The following SERPINA12 variants were observed in gnomAD, a reference collection of about 807,000 sequenced individuals.
SERPINA12 encodes the protein serpin A12.
In SERPINA12, 21 loss-of-function variants were observed where a neutral mutation model predicts 25.9. The observed-to-expected ratio is 0.81, with a 90% CI of 0.58 to 1.17. SERPINA12 has a LOEUF of 1.17. SERPINA12 is among the 50% of genes most tolerant of loss of function. The probability of loss-of-function intolerance (pLI) is 0.00; values close to 1 mark genes in which losing one functional copy is unlikely to be tolerated. For missense variants in SERPINA12, 562 were observed against 508.3 expected (o/e 1.11, Z -1.02); for synonymous variants, 220 against 196.0 (o/e 1.12, Z -1.02).
At chr14:94,510,760 G>A (rs1901090275), upstream of SERPINA12, among the ~76,000 whole-genome samples, 1 of 152,208 alleles carries the variant, frequency 6.6e-6, no homozygotes, top group Non-Finnish European at 1.5e-5. Flanking sequence ...ATACCACTCA[G>A]CCATAAAAAG....
chr14:94,500,124 G>T (rs965853138), intron 1 of SERPINA12, among the ~76,000 whole-genome samples: 1 of 152,170 alleles, frequency 6.6e-6, no homozygotes. Flanking sequence ...CAGTTCCCAG[G>T]TTCTTCATGT....
At chr14:94,516,966 C>T (rs891113353) in intron 1 of SERPINA12, among the ~76,000 whole-genome samples, 3 of 142,390 alleles carry the variant, frequency 2.1e-5, no homozygotes, top group Non-Finnish European at 3.1e-5. Flanking sequence ...CACACACACA[C>T]ATTAAAATAG....
chr14:94,511,697 A>G, upstream of SERPINA12: 3 of 985,356 alleles, frequency 3.0e-6, no homozygotes, highest in Non-Finnish European at 3.6e-6. Context: ...GCTTCCTTCC[A>G]AAGAGGCAGA....
chr14:94,509,911 G>T, upstream of SERPINA12: 1 of 890,718 alleles, frequency 1.1e-6, no homozygotes, highest in Non-Finnish European at 1.3e-6. Flanking sequence ...GACAGGACAG[G>T]AATGGGTGTG....
rs372372854 is a variant in SERPINA12 at position 94,490,817 on chromosome 14, C to T, written c.906-1050G>A. ...CAGAGCCAGCTCTCAGTGAGCCGCA[C>T]GTGATGGTAATCCCTTTCTCCAAGG... On this transcript the variant is annotated intron_variant, in intron 3 of 4. Transcript: ENST00000677451. Among the ~76,000 whole-genome samples the T allele has an allele frequency of 8.5e-5, 13 of 152,296 alleles. No homozygotes were observed. The East Asian group carries it at 1.7e-3, about 20-fold the overall frequency.
chr14:94,490,382 G>A (rs997767139), intron 3 of SERPINA12, among the ~76,000 whole-genome samples: 13 of 152,004 alleles, frequency 8.6e-5, no homozygotes, highest in South Asian at 6.2e-4. Flanking sequence ...TGGCTGAACC[G>A]CGATCAGCCT....
chr14:94,502,028 G>T (rs907937078), intron 1 of SERPINA12, among the ~76,000 whole-genome samples: 1 of 148,886 alleles, frequency 6.7e-6, no homozygotes, highest in South Asian at 2.1e-4. Flanking sequence ...TTTGGAATGT[G>T]TGTGTGTGTG....
chr14:94,492,126 G>A (rs912411605), intron 3 of SERPINA12, among the ~76,000 whole-genome samples: 22 of 152,174 alleles, frequency 1.4e-4, no homozygotes, highest in Admixed American at 1.2e-3. Context: ...GGTGGGGACA[G>A]AAACCAGCCG....
intron 1 of SERPINA12, 105 bp from the exon 2 acceptor site, chr14:94,498,535 T>C (rs1595693272): frequency 4.3e-6 from 4 of 921,054 alleles, no homozygotes; most frequent in Non-Finnish European, 4.9e-6. Flanking sequence ...GTGTTGTACA[T>C]AGCAGTTTAT....
At chr14:94,515,032 G>A (rs977984342) in intron 2 of SERPINA12, among the ~76,000 whole-genome samples, 1 of 152,228 alleles carries the variant, frequency 6.6e-6, no homozygotes, top group Admixed American at 6.5e-5. Context: ...CCACACACCT[G>A]CTGCTGGGCC....
upstream of SERPINA12, among the ~76,000 whole-genome samples, chr14:94,512,243 C>T (rs1381165073): frequency 6.6e-6 from 1 of 152,216 alleles, no homozygotes; most frequent in Non-Finnish European, 1.5e-5. Flanking sequence ...TGTCCCCTCT[C>T]AGGGGGCATT....
At chr14:94,494,621 G>C (rs1900316863) in intron 3 of SERPINA12, among the ~76,000 whole-genome samples, 1 of 152,186 alleles carries the variant, frequency 6.6e-6, no homozygotes, top group Non-Finnish European at 1.5e-5. Context: ...GCTTCAACCT[G>C]AGGGTAAGAG....
chr14:94,506,778 T>G (rs888564414), intron 1 of SERPINA12, among the ~76,000 whole-genome samples: 3 of 152,192 alleles, frequency 2.0e-5, no homozygotes, highest in Admixed American at 6.5e-5. Flanking sequence ...AAATCCTGGG[T>G]GAGGGTGCCT....
intron 3 of SERPINA12, among the ~76,000 whole-genome samples, chr14:94,495,876 T>C (rs1262374981): frequency 6.6e-6 from 1 of 152,252 alleles, no homozygotes; most frequent in Non-Finnish European, 1.5e-5. Flanking sequence ...TAATCTAATA[T>C]CAGTTTATGT....
intron 1 of SERPINA12, among the ~76,000 whole-genome samples, chr14:94,500,407 G>A (rs1900666148): frequency 6.6e-6 from 1 of 151,854 alleles, no homozygotes; most frequent in African/African-American, 2.4e-5. Flanking sequence ...TGTGCCTCAG[G>A]GACACAAGCC....
At chr14:94,513,488 C>T (rs913511489), upstream of SERPINA12, among the ~76,000 whole-genome samples, 3 of 152,140 alleles carry the variant, frequency 2.0e-5, no homozygotes, top group African/African-American at 7.2e-5. Context: ...CTGCTGTTTC[C>T]CAGCCGTGCA....
intron 1 of SERPINA12, among the ~76,000 whole-genome samples, chr14:94,498,631 C>A (rs545033568): frequency 6.6e-6 from 1 of 152,322 alleles, no homozygotes; most frequent in African/African-American, 2.4e-5. Flanking sequence ...AATAGGAGGA[C>A]TGAATGTAGA....
Position 94,498,039 on chromosome 14 carries a change from A to G in SERPINA12, c.359T>C (p.Ile120Thr), listed in dbSNP as rs772933995. The G allele has an allele frequency of 6.2e-7, 1 of 1,614,154 alleles. No individual in the cohort carries two copies. Among genetic ancestry groups the G allele is most frequent in the Non-Finnish European group, 8.5e-7 (1 of 1,180,032 alleles). ...KDLHEGFHYI[I>T]HELTQKTQDL... is the part of the protein sequence containing the mutation. ...CTGGGTCTTCTGGGTCAGCTCGTGG[A>G]TGATGTAATGGAAGCCCTCATGAAG... The change falls in exon 2 of 5, where the codon ATC becomes ACC. Residue 120 changes from isoleucine to threonine, a missense_variant. By Grantham distance (89) the Ile-to-Thr change is moderately conservative. Coordinates refer to ENST00000677451, the MANE Select transcript of SERPINA12 (RefSeq NM_001382267.1).
intron 4 of SERPINA12, among the ~76,000 whole-genome samples, chr14:94,488,844 C>T (rs1257418283): frequency 6.6e-6 from 1 of 152,184 alleles, no homozygotes; most frequent in Non-Finnish European, 1.5e-5. Flanking sequence ...CCTGTAATCC[C>T]AGCACTTTGG....
Sources: allele counts gnomAD v4.1 joint callset (sites outside exome capture counted in the v4.1 genomes callset), GRCh38; gene constraint gnomAD v4.1.1; transcripts MANE v1.5; gene names NCBI Gene and HGNC (gene_info 2026-07-23, HGNC 2026-07-21).